KCNAB2: variants seen among roughly 807,000 people sequenced by gnomAD.
KCNAB2 encodes voltage-gated potassium channel subunit beta-2.
KCNAB2 carries 29 observed loss-of-function variants against 63.6 expected under a neutral mutation model. The observed-to-expected ratio is 0.46, with a 90% CI of 0.34 to 0.62. The LOEUF (loss-of-function observed/expected upper bound fraction) is 0.62. KCNAB2 is among the 20% of genes least tolerant of loss of function. KCNAB2 has a pLI of 0.01. For synonymous variants in KCNAB2, 222 were observed against 224.2 expected (o/e 0.99, Z 0.09); for missense variants, 359 against 563.9 (o/e 0.64, Z 3.68).
chr1:6,011,566 C>G (rs1658151341), intron 1 of KCNAB2, among the ~76,000 whole-genome samples: 1 of 152,210 alleles, frequency 6.6e-6, no homozygotes, highest in Non-Finnish European at 1.5e-5. Context: ...GTGAATGGCT[C>G]TGGATGCCGA....
chr1:6,090,935 A>G (rs1571093463), intron 9 of KCNAB2, among the ~76,000 whole-genome samples: 2 of 152,166 alleles, frequency 1.3e-5, no homozygotes, highest in East Asian at 3.9e-4. Flanking sequence ...GCGCTTTGAA[A>G]ATCGGTTTTG....
At chr1:6,065,140 C>T (rs1335734766) in intron 2 of KCNAB2, among the ~76,000 whole-genome samples, 2 of 152,244 alleles carry the variant, frequency 1.3e-5, no homozygotes, top group Non-Finnish European at 2.9e-5. Flanking sequence ...AAGCAGGTGC[C>T]GCTGGGCATG....
rs529052068 is a variant in KCNAB2 at position 6,074,760 on chromosome 1, G to T, written c.300+990G>T. Among the ~76,000 whole-genome samples the T allele has an allele frequency of 6.6e-6, 1 of 152,236 alleles. No individual in the cohort carries two copies. Among genetic ancestry groups the T allele is most frequent in the East Asian group, 1.9e-4 (1 of 5,176 alleles). On this transcript the variant is annotated intron_variant, in intron 4 of 15. Coordinates refer to ENST00000378083, the MANE Select transcript of KCNAB2 (RefSeq NM_001199862.2). This position sits in a 1 kb window ranked among gnomAD's most constrained non-coding sequence, Gnocchi z 4.9. ...GGATCACCTGAGGTCAGGAGTTCCA[G>T]CCTGGCCAACATGGTGAAACCCCAT... is the stretch of plus-strand genomic sequence containing the variant.
At chr1:5,999,504 T>G (rs1657117852) in intron 1 of KCNAB2, among the ~76,000 whole-genome samples, 1 of 152,180 alleles carries the variant, frequency 6.6e-6, no homozygotes, top group Non-Finnish European at 1.5e-5. Context: ...CGAGAAGGGC[T>G]TTGCGGGGGT....
At chr1:6,083,200 T>C (rs3789539) in intron 5 of KCNAB2, among the ~76,000 whole-genome samples, 31,931 of 152,082 alleles carry the variant, frequency 0.21, 3,553 homozygotes, top group African/African-American at 0.27. Flanking sequence ...CAAAGTGAAC[T>C]GCTTTCCAGA....
chr1:6,081,318 G>A (rs1273404258), intron 4 of KCNAB2, among the ~76,000 whole-genome samples: 1 of 152,250 alleles, frequency 6.6e-6, no homozygotes, highest in Non-Finnish European at 1.5e-5. Context: ...TGCACCAGCT[G>A]TGGGATGTCA....
intron 1 of KCNAB2, among the ~76,000 whole-genome samples, chr1:6,011,985 G>C (rs992066109): frequency 6.6e-6 from 1 of 152,172 alleles, no homozygotes; most frequent in African/African-American, 2.4e-5. Context: ...GGTGATGAAG[G>C]CAGAGGGGGC....
In KCNAB2 at chr1:6,051,549, A is replaced by T; in HGVS notation, c.13A>T (p.Thr5Ser). The T allele has an allele frequency of 6.5e-7, 1 of 1,529,728 alleles. No homozygotes were observed. Among genetic ancestry groups the T allele is most frequent in the African/African-American group, 1.4e-5 (1 of 73,086 alleles). 94.8% of individuals were successfully genotyped at this position (1,529,728 alleles called of 1,614,324 possible). A position where few individuals can be genotyped will look rare whatever the true frequency, so the allele number is the denominator to read the frequency against. The change falls in exon 2 of 16, where the codon ACG becomes TCG. Residue 5 changes from threonine (T) to serine (S), a missense_variant. Coordinates refer to ENST00000378083, the MANE Select transcript of KCNAB2 (RefSeq NM_001199862.2). MLSM[T>S]YSESLRSVSS... The stretch of plus-strand genomic sequence containing the variant: ...GCCAGGCGGCACCATGCTGTCCATG[A>T]CGTACAGCGAGAGTCTGCGGAGCGT...
At chr1:6,025,177 T>C (rs1011370429) in intron 1 of KCNAB2, among the ~76,000 whole-genome samples, 3 of 152,108 alleles carry the variant, frequency 2.0e-5, no homozygotes, top group Admixed American at 2.0e-4. Context: ...CTAACCACTG[T>C]CTTTATCTTT....
At position 6,070,873 on chromosome 1, in the gene KCNAB2, G is replaced by A. The variant is rs937750631; in HGVS notation, c.219-1882G>A. On this transcript the variant is annotated intron_variant, in intron 2 of 15. Coordinates refer to ENST00000378083, the MANE Select transcript of KCNAB2 (RefSeq NM_001199862.2). ...TCAGCCCATAGCCGCCACCCGGTGCGCCCCTTTCCTGAAAGAAAACTCAGC... is the reference window on the plus strand; with the variant it reads ...TCAGCCCATAGCCGCCACCCGGTGCACCCCTTTCCTGAAAGAAAACTCAGC... Among the ~76,000 whole-genome samples, 9 of 152,272 alleles carry A rather than the reference G, an allele frequency of 5.9e-5. No homozygotes were observed. The South Asian group carries it at 8.3e-4, about 14-fold the overall frequency.
chr1:6,046,352 C>G (rs952564812), intron 1 of KCNAB2, among the ~76,000 whole-genome samples, 169 bp downstream of exon 1: 13 of 152,160 alleles, frequency 8.5e-5, no homozygotes, highest in African/African-American at 2.9e-4. Flanking sequence ...AAAGAGCCAG[C>G]CTGAGGTAAA....
rs1252922765 is a variant in KCNAB2 at position 6,073,929 on chromosome 1, G to A, written c.300+159G>A. On this transcript the variant is annotated intron_variant, in intron 4 of 15. Transcript: ENST00000378083. The surrounding 1 kb of genome is among the most constrained non-coding windows in gnomAD (Gnocchi z 5.7). Reference sequence around the variant, plus strand: ...TGTGAGGGCGCCCTGCCCCAGGGGAGAGTAGAAAGGTGAGCCAGGTGGCCA... The same window carrying A: ...TGTGAGGGCGCCCTGCCCCAGGGGAAAGTAGAAAGGTGAGCCAGGTGGCCA... 11 of 693,158 alleles carry A rather than the reference G, an allele frequency of 1.6e-5. No individual in the cohort carries two copies. The highest frequency in any genetic ancestry group is 1.1e-4 in the African/African-American group (6 of 56,114). 42.9% of individuals were successfully genotyped at this position (693,158 alleles called of 1,614,324 possible).
intron 1 of KCNAB2, among the ~76,000 whole-genome samples, chr1:6,008,552 C>T (rs770648239): frequency 6.7e-6 from 1 of 149,158 alleles, no homozygotes; most frequent in Non-Finnish European, 1.5e-5. Flanking sequence ...ACCCGGGTGG[C>T]GTGGTGGAAG....
rs904170969 is a variant in KCNAB2, at chr1:6,003,304, C to T, written c.-53+10516C>T. ...ATCCCACCCCTGGAACTTGCTTTCC[C>T]TGCTTCCCACACACAGATCCTCCCC... is the stretch of plus-strand genomic sequence containing the variant. On this transcript the variant is annotated intron_variant, in intron 1 of 16. Transcript: ENST00000341524. This position sits in a 1 kb window ranked among gnomAD's most constrained non-coding sequence, Gnocchi z 4.1. 1.3e-5 allele frequency among the ~76,000 whole-genome samples: 2 copies of T among 152,240 alleles called. No individual in the cohort carries two copies. The highest frequency in any genetic ancestry group is 2.1e-4 in the South Asian group (1 of 4,832).
upstream of KCNAB2, among the ~76,000 whole-genome samples, chr1:6,044,095 G>A (rs559300851): frequency 6.6e-6 from 1 of 152,192 alleles, no homozygotes; most frequent in South Asian, 2.1e-4. Context: ...TCAGAGCGCT[G>A]TCACCTCTGC....
At chr1:6,068,909 A>G (rs920782129) in intron 2 of KCNAB2, among the ~76,000 whole-genome samples, 5 of 152,166 alleles carry the variant, frequency 3.3e-5, no homozygotes, top group East Asian at 1.9e-4. Flanking sequence ...CAGGCGCCAC[A>G]TTCTTGCCCA....
chr1:6,021,690 G>A (rs1047401630), intron 1 of KCNAB2, among the ~76,000 whole-genome samples: 5 of 151,646 alleles, frequency 3.3e-5, no homozygotes, highest in African/African-American at 9.7e-5. Flanking sequence ...GGTATTGAGG[G>A]TATGGTTCAG....
chr1:6,048,254 C>T (rs931030718), intron 1 of KCNAB2, among the ~76,000 whole-genome samples: 1 of 152,204 alleles, frequency 6.6e-6, no homozygotes, highest in Non-Finnish European at 1.5e-5. Context: ...TGCCTGCTGG[C>T]CCCTGGTGGT....
rs1326954407 is a variant in KCNAB2, at chr1:6,074,078, CGAG to C, written c.300+312_300+314del. The stretch of plus-strand genomic sequence containing the variant: ...CGCGTGACCCCCATTCCACAGTTAA[CGAG>C]GAGAATTCAGGGTGCACACGCTTCC... On this transcript the variant is annotated intron_variant, in intron 4 of 15. Coordinates refer to ENST00000378083, the MANE Select transcript of KCNAB2 (RefSeq NM_001199862.2). This position sits in a 1 kb window ranked among gnomAD's most constrained non-coding sequence, Gnocchi z 4.9. 6.6e-6 allele frequency among the ~76,000 whole-genome samples: 1 copy of C among 152,188 alleles called. No homozygotes were observed. Among genetic ancestry groups the C allele is most frequent in the Non-Finnish European group, 1.5e-5 (1 of 68,036 alleles).
Sources: allele counts gnomAD v4.1 joint callset (sites outside exome capture counted in the v4.1 genomes callset), GRCh38; gene constraint gnomAD v4.1.1; non-coding constraint Gnocchi (gnomAD v3.1); transcripts MANE v1.5; gene names NCBI Gene and HGNC (gene_info 2026-07-23, HGNC 2026-07-21).